Variants in STX16 observed in about 807,000 individuals in gnomAD.
STX16 encodes syntaxin-16.
STX16 carries 28 observed loss-of-function variants against 42.7 expected under a neutral mutation model. That is an observed-to-expected ratio of 0.66 (90% CI 0.49 to 0.90). The LOEUF (loss-of-function observed/expected upper bound fraction) is 0.90, where lower values mean the gene tolerates loss of function less well. Ranked by LOEUF, STX16 falls within the 40% of genes least tolerant of loss-of-function variation. The pLI is 0.00. For missense variants in STX16, 361 were observed against 420.9 expected (o/e 0.86, Z 1.24); for synonymous variants, 156 against 155.2 (o/e 1.00, Z -0.04).
At position 58,668,327 on chromosome 20, in the gene STX16, A is replaced by G. The variant is rs549619467; in HGVS notation, c.393+200A>G. On this transcript the variant is annotated intron_variant, in intron 4 of 8. Transcript: ENST00000371141. ...TTGGAGGTATGGGGACTGTTTTTCAATTGTTGGCAGATAACTGCTGTGGAC... is the reference window on the plus strand; with the variant it reads ...TTGGAGGTATGGGGACTGTTTTTCAGTTGTTGGCAGATAACTGCTGTGGAC... Among the ~76,000 whole-genome samples, 5 of 152,302 alleles carry G rather than the reference A, an allele frequency of 3.3e-5. No homozygotes were observed. The East Asian group carries it at 5.8e-4, about 18-fold the overall frequency.
chr20:58,651,739 A>G lies in STX16; in HGVS notation c.-268A>G. ...TCTCTGGGACGTTGGATCGCTACGC[A>G]AGGATTGGGGGGATTCAAGTGCTTA... is the stretch of plus-strand genomic sequence containing the variant. On this transcript the variant is annotated 5_prime_UTR_variant, in exon 1 of 9. Transcript: ENST00000371141. 1 of 368,834 alleles carries G rather than the reference A, an allele frequency of 2.7e-6. No individual in the cohort carries two copies. Among genetic ancestry groups the G allele is most frequent in the South Asian group, 3.1e-5 (1 of 32,310 alleles). 22.8% of individuals were successfully genotyped at this position (368,834 alleles called of 1,614,324 possible).
intron 1 of STX16, 88 bp downstream of exon 1, chr20:58,652,226 A>G: frequency 6.5e-7 from 1 of 1,547,612 alleles, no homozygotes; most frequent in Non-Finnish European, 8.8e-7. Flanking sequence ...TCTCTGTTTA[A>G]AAAGAGAAGA....
chr20:58,663,802 C>T (rs542978684), intron 2 of STX16, among the ~76,000 whole-genome samples: 11 of 152,226 alleles, frequency 7.2e-5, no homozygotes, highest in Non-Finnish European at 1.3e-4. Flanking sequence ...CTCAGCTTCC[C>T]GAGTAGCTGG....
At chr20:58,653,700 T>G (rs1048752748) in intron 1 of STX16, among the ~76,000 whole-genome samples, 7 of 152,230 alleles carry the variant, frequency 4.6e-5, no homozygotes, top group Admixed American at 4.6e-4. Flanking sequence ...GAACTGCATG[T>G]TCCTTAAATG....
At chr20:58,662,684 T>G (rs1435681619) in intron 2 of STX16, among the ~76,000 whole-genome samples, 1 of 151,986 alleles carries the variant, frequency 6.6e-6, no homozygotes, top group Non-Finnish European at 1.5e-5. Flanking sequence ...CTATTTTATT[T>G]ATTTATTTAT....
chr20:58,657,138 A>G lies in STX16; in HGVS notation c.133-2485A>G, dbSNP rs988902952. 2.0e-5 allele frequency among the ~76,000 whole-genome samples: 3 copies of G among 152,308 alleles called. No individual in the cohort carries two copies. The highest frequency in any genetic ancestry group is 6.8e-3 in the Middle Eastern group (2 of 294). On this transcript the variant is annotated intron_variant, in intron 1 of 8. Coordinates refer to ENST00000371141, the MANE Select transcript of STX16 (RefSeq NM_001001433.3). The surrounding 1 kb of genome is among the most constrained non-coding windows in gnomAD (Gnocchi z 4.2). ...TTTTAAAACAATTTTTTTTCTTGCA[A>G]TAGGCTAGCATCTTTCTTTATCTCA...
chr20:58,673,821 C>T, intron 8 of STX16, 110 bp downstream of exon 8: 3 of 782,902 alleles, frequency 3.8e-6, no homozygotes, highest in Non-Finnish European at 6.4e-6. Flanking sequence ...TTGTGTTGTC[C>T]ACTCTCAATA....
rs2122994978 is a variant in STX16 at position 58,670,585 on chromosome 20, T to C, written c.630T>C (p.Asp210=). 2 of 1,614,142 alleles carry C rather than the reference T, an allele frequency of 1.2e-6. No individual in the cohort carries two copies. The highest frequency in any genetic ancestry group is 2.2e-5 in the East Asian group (1 of 44,882). The change falls in exon 6 of 9, where the codon GAT becomes GAC. Residue 210 remains aspartate, a synonymous_variant. Transcript: ENST00000371141. ...TACCACTAATGGATGATGGAGACGATAACACTCTTTACCATCGGGTACGTG... is the reference window on the plus strand; with the variant it reads ...TACCACTAATGGATGATGGAGACGACAACACTCTTTACCATCGGGTACGTG... ...TSVPLMDDGD[D]NTLYHRGFTE...
chr20:58,670,624 G>A, intron 6 of STX16, 21 bp downstream of exon 6: 4 of 1,599,086 alleles, frequency 2.5e-6, no homozygotes, highest in Non-Finnish European at 3.4e-6. Flanking sequence ...GGGCTGCAAA[G>A]CTGATTGCTG....
At chr20:58,663,264 A>G (rs910326354) in intron 2 of STX16, among the ~76,000 whole-genome samples, 9 of 152,244 alleles carry the variant, frequency 5.9e-5, no homozygotes, top group African/African-American at 2.2e-4. Context: ...AGTCTACACT[A>G]AATCAGCCTT....
chr20:58,676,304 T>A lies in STX16; in HGVS notation c.*13T>A, dbSNP rs773650771. On this transcript the variant is annotated 3_prime_UTR_variant, in exon 9 of 9. Transcript: ENST00000371141. ...GAAGTCTCGATAAGTGGCATTGGGTTTTCGTGTGTGCCGCGCGTGTGGATC... is the reference window on the plus strand; with the variant it reads ...GAAGTCTCGATAAGTGGCATTGGGTATTCGTGTGTGCCGCGCGTGTGGATC... The A allele has an allele frequency of 5.6e-6, 9 of 1,610,168 alleles. No homozygotes were observed. Among genetic ancestry groups the A allele is most frequent in the Non-Finnish European group, 6.0e-6 (7 of 1,176,346 alleles).
At chr20:58,663,625 A>G (rs963956904) in intron 2 of STX16, among the ~76,000 whole-genome samples, 2 of 151,538 alleles carry the variant, frequency 1.3e-5, no homozygotes, top group Admixed American at 1.3e-4. Context: ...TACAATTTTT[A>G]TTTAAAAAAT....
At chr20:58,662,936 CTTTT>C (rs1420870839) in intron 2 of STX16, among the ~76,000 whole-genome samples, 1 of 152,176 alleles carries the variant, frequency 6.6e-6, no homozygotes, top group Non-Finnish European at 1.5e-5. Flanking sequence ...GCTGACATCA[CTTTT>C]TTCTTTTATC....
At chr20:58,659,063 C>CAGAG (rs1181796399) in intron 1 of STX16, among the ~76,000 whole-genome samples, 1 of 152,220 alleles carries the variant, frequency 6.6e-6, no homozygotes. Context: ...ATGTAATTTG[C>CAGAG]AGAGACCTTA....
In STX16 at chr20:58,676,260, T is replaced by C; in HGVS notation, c.947T>C (p.Ile316Thr). The C allele has an allele frequency of 6.2e-7, 1 of 1,614,206 alleles. No individual in the cohort carries two copies. The highest frequency in any genetic ancestry group is 8.5e-7 in the Non-Finnish European group (1 of 1,179,992). The change falls in exon 9 of 9, where the codon ATT becomes ACT. Residue 316 changes from isoleucine to threonine, a missense_variant. Physicochemically the swap from Ile to Thr is moderately conservative, Grantham distance 89. Coordinates refer to ENST00000371141, the MANE Select transcript of STX16 (RefSeq NM_001001433.3). ...LILFVIIIVLIVVLVGVKSR is the reference protein window; with the variant it reads ...LILFVIIIVLTVVLVGVKSR ...TTATTTGTCATCATCATTGTGCTCA[T>C]TGTTGTCCTCGTTGGCGTGAAGTCT... is the stretch of plus-strand genomic sequence containing the variant.
chr20:58,669,303 T>C lies in STX16; in HGVS notation c.406T>C (p.Cys136Arg). The C allele has an allele frequency of 6.2e-7, 1 of 1,610,942 alleles. No homozygotes were observed. The highest frequency in any genetic ancestry group is 8.5e-7 in the Non-Finnish European group (1 of 1,179,542). ...CTTGTTCTCTTAGCTCTTCCACAGGTGCCAGCGTGCCGTGCAGGCCCTGCC... is the reference window on the plus strand; with the variant it reads ...CTTGTTCTCTTAGCTCTTCCACAGGCGCCAGCGTGCCGTGCAGGCCCTGCC... ...TQEITQLFHR[C>R]QRAVQALPSR... is the part of the protein sequence containing the mutation. Residue 136 changes from cysteine to arginine, a missense_variant, in exon 5 of 9, where the codon TGC (cysteine) becomes CGC (arginine). By Grantham distance (180) the Cys-to-Arg change is radical. Transcript: ENST00000371141.
rs2084184928 is a variant in STX16, at chr20:58,678,328, T to C, written c.*2037T>C. ...GTTGGTTTTTGTTCCCTCAACCCAT[T>C]TGGGTAAAATAACGGATCTGATTAG... is the stretch of plus-strand genomic sequence containing the variant. On this transcript the variant is annotated 3_prime_UTR_variant, in exon 9 of 9. Coordinates refer to ENST00000371141, the MANE Select transcript of STX16 (RefSeq NM_001001433.3). The C allele has an allele frequency of 6.6e-6, 1 of 151,990 alleles. No individual in the cohort carries two copies. The highest frequency in any genetic ancestry group is 6.6e-5 in the Admixed American group (1 of 15,246). The allele number at this position is 151,990 out of a possible 1,614,324, so 9.4% of individuals were successfully genotyped here.
At position 58,671,224 on chromosome 20, in the gene STX16, T is replaced by G; in HGVS notation, c.719T>G (p.Ile240Ser). 6.2e-7 allele frequency: 1 copy of G among 1,614,054 alleles called. No homozygotes were observed. Among genetic ancestry groups the G allele is most frequent in the African/African-American group, 1.3e-5 (1 of 74,996 alleles). ...TLMVEERERE[I>S]RQIVQSISDL... The stretch of plus-strand genomic sequence containing the variant: ...ATGGTGGAAGAGCGGGAACGAGAGA[T>G]TCGCCAGATTGTACAGTCCATTTCT... Residue 240 changes from isoleucine to serine, a missense_variant, in exon 7 of 9, where the codon ATT becomes AGT. Transcript: ENST00000371141.
chr20:58,674,585 G>T (rs2084058793), intron 8 of STX16, among the ~76,000 whole-genome samples: 1 of 152,100 alleles, frequency 6.6e-6, no homozygotes, highest in Admixed American at 6.5e-5. Flanking sequence ...GCAGTATTGG[G>T]TTTACAAAAA....
Sources: allele counts gnomAD v4.1 joint callset (sites outside exome capture counted in the v4.1 genomes callset), GRCh38; gene constraint gnomAD v4.1.1; non-coding constraint Gnocchi (gnomAD v3.1); transcripts MANE v1.5; gene names NCBI Gene and HGNC (gene_info 2026-07-23, HGNC 2026-07-21).